Variants in FRMD4A observed in about 807,000 individuals in gnomAD.
FRMD4A encodes the protein FERM domain containing 4A.
A neutral mutation model predicts 129.1 loss-of-function variants in FRMD4A; 29 were observed. The observed-to-expected ratio is 0.22, with a 90% CI of 0.17 to 0.31. FRMD4A has a LOEUF of 0.31. Ranked by LOEUF, FRMD4A falls within the 10% of genes least tolerant of loss-of-function variation. The probability of loss-of-function intolerance (pLI) is 1.00; values close to 1 mark genes in which losing one functional copy is unlikely to be tolerated. For missense variants in FRMD4A, 1,272 were observed against 1,375.8 expected, an observed-to-expected ratio of 0.92 and a Z score of 1.19; for synonymous variants, 634 against 571.6, an observed-to-expected ratio of 1.11 and a Z score of -1.56.
chr10:14,074,696 CCA>C (rs928031983), intron 2 of FRMD4A: 1 of 152,202 alleles, frequency 6.6e-6, no homozygotes, highest in African/African-American at 2.4e-5. Context: ...GACTCAAATT[CCA>C]CAGATTCTGG....
intron 15 of FRMD4A, among the ~76,000 whole-genome samples, chr10:13,686,889 C>G (rs78586240): frequency 3.3e-5 from 5 of 152,190 alleles, no homozygotes; most frequent in African/African-American, 7.2e-5. Context: ...ACAAGCCACA[C>G]GTCCCTGCAG....
At chr10:13,911,743 G>A (rs1397006482) in intron 2 of FRMD4A, among the ~76,000 whole-genome samples, 1 of 152,046 alleles carries the variant, frequency 6.6e-6, no homozygotes, top group Non-Finnish European at 1.5e-5. Flanking sequence ...TTGTATTTTA[G>A]TAGGGACTGG....
In FRMD4A at chr10:13,795,501, T is replaced by A. The variant is rs78316642; in HGVS notation, c.299+995A>T. Among the ~76,000 whole-genome samples, 1,052 of 152,344 alleles carry A rather than the reference T, an allele frequency of 6.9e-3. 10 individuals carry two copies. Among genetic ancestry groups the A allele is most frequent in the Non-Finnish European group, 0.011 (725 of 68,026 alleles). On this transcript the variant is annotated intron_variant, in intron 5 of 24. Coordinates refer to ENST00000357447, the MANE Select transcript of FRMD4A (RefSeq NM_018027.5). ...CTTGTGTGGCTTAAGGATGCCTATGTCTGGAACTGCATTCCTGATCATGCT... is the reference window on the plus strand; with the variant it reads ...CTTGTGTGGCTTAAGGATGCCTATGACTGGAACTGCATTCCTGATCATGCT...
At chr10:14,237,202 C>T (rs1843855320) in intron 2 of FRMD4A, among the ~76,000 whole-genome samples, 1 of 152,032 alleles carries the variant, frequency 6.6e-6, no homozygotes, top group African/African-American at 2.4e-5. Context: ...CGAGCACTGT[C>T]ACGGTAAGCC....
At chr10:14,115,651 G>A (rs1444500706) in intron 2 of FRMD4A, among the ~76,000 whole-genome samples, 3 of 152,028 alleles carry the variant, frequency 2.0e-5, no homozygotes, top group Admixed American at 6.6e-5. Context: ...GTGAGTTCTC[G>A]CTCTTAGTTT....
chr10:14,315,210 A>G (rs1245668751), intron 2 of FRMD4A, among the ~76,000 whole-genome samples: 1 of 151,864 alleles, frequency 6.6e-6, no homozygotes, highest in African/African-American at 2.4e-5. Context: ...CTTTCTAACC[A>G]TCACCCGAAT....
intron 2 of FRMD4A, among the ~76,000 whole-genome samples, chr10:14,246,803 G>A (rs148380734): frequency 7.2e-5 from 11 of 152,244 alleles, no homozygotes; most frequent in Admixed American, 5.9e-4. Flanking sequence ...GAGAAAACGC[G>A]GAGATAGTGA....
chr10:14,103,837 T>C lies in FRMD4A; in HGVS notation c.45+226221A>G, dbSNP rs372211700. Among the ~76,000 whole-genome samples, 33 of 152,308 alleles carry C rather than the reference T, an allele frequency of 2.2e-4. No homozygotes were observed. In the East Asian group the frequency reaches 3.3e-3, roughly 15 times the overall value. ...CTCCCTATCATCTATCTTTTTTCTATGACAATGAGTAGAATTTTTTAAACT... is the reference window on the plus strand; with the variant it reads ...CTCCCTATCATCTATCTTTTTTCTACGACAATGAGTAGAATTTTTTAAACT... On this transcript the variant is annotated intron_variant, in intron 2 of 24. Coordinates refer to ENST00000357447, the MANE Select transcript of FRMD4A (RefSeq NM_018027.5).
intron 2 of FRMD4A, among the ~76,000 whole-genome samples, chr10:14,185,903 G>C (rs920271878): frequency 2.0e-5 from 3 of 152,178 alleles, no homozygotes; most frequent in Non-Finnish European, 4.4e-5. Flanking sequence ...AGGGCAGAGA[G>C]AGACTGGGCA....
At chr10:13,989,366 CT>C (rs1308855395) in intron 2 of FRMD4A, among the ~76,000 whole-genome samples, 1 of 151,430 alleles carries the variant, frequency 6.6e-6, no homozygotes. Context: ...ATTTTTTTTT[CT>C]TTTTTTTGAG....
chr10:14,115,696 C>A (rs1838163983), intron 2 of FRMD4A, among the ~76,000 whole-genome samples: 1 of 152,112 alleles, frequency 6.6e-6, no homozygotes, highest in African/African-American at 2.4e-5. Flanking sequence ...AGCCTGGTAC[C>A]TCCCTCCCCG....
At chr10:13,942,882 G>A (rs1041431816) in intron 2 of FRMD4A, among the ~76,000 whole-genome samples, 4 of 152,056 alleles carry the variant, frequency 2.6e-5, no homozygotes, top group African/African-American at 7.2e-5. Flanking sequence ...TCAGTGAGCC[G>A]AGATTGTGCC....
intron 2 of FRMD4A, among the ~76,000 whole-genome samples, chr10:13,907,011 C>T (rs376288354): frequency 9.9e-5 from 15 of 152,178 alleles, no homozygotes; most frequent in Non-Finnish European, 1.8e-4. Flanking sequence ...GTATTATCCA[C>T]GCCCATAGGT....
At chr10:14,300,552 A>C (rs1392220417) in intron 2 of FRMD4A, among the ~76,000 whole-genome samples, 1 of 152,224 alleles carries the variant, frequency 6.6e-6, no homozygotes, top group Non-Finnish European at 1.5e-5. Context: ...GCACTTGGCC[A>C]AAAACTGGGT....
At chr10:14,306,923 A>G (rs1846372330) in intron 2 of FRMD4A, among the ~76,000 whole-genome samples, 1 of 152,216 alleles carries the variant, frequency 6.6e-6, no homozygotes, top group African/African-American at 2.4e-5. Context: ...AACTAAGGAC[A>G]GGTACAACAT....
intron 2 of FRMD4A, among the ~76,000 whole-genome samples, chr10:14,327,909 G>T (rs1843343086): frequency 6.6e-6 from 1 of 152,132 alleles, no homozygotes; most frequent in Non-Finnish European, 1.5e-5. Context: ...CTTCCTTCCT[G>T]AACTCACAGC....
intron 21 of FRMD4A, 94 bp downstream of exon 21, chr10:13,659,229 G>A (rs1327777986): frequency 1.5e-5 from 17 of 1,104,334 alleles, no homozygotes; most frequent in African/African-American, 6.1e-5. Flanking sequence ...AGGTCTGACT[G>A]TAGCTCATCC....
At chr10:13,841,987 G>C (rs966178694) in intron 3 of FRMD4A, among the ~76,000 whole-genome samples, 1 of 152,110 alleles carries the variant, frequency 6.6e-6, no homozygotes, top group African/African-American at 2.4e-5. Flanking sequence ...ATTGCACCGC[G>C]ATATTACAAC....
intron 2 of FRMD4A, among the ~76,000 whole-genome samples, chr10:14,200,162 G>A (rs1297893136): frequency 6.7e-6 from 1 of 150,132 alleles, no homozygotes; most frequent in African/African-American, 2.4e-5. Flanking sequence ...CGCAGTGTTG[G>A]GATTACACGC....
Sources: allele counts gnomAD v4.1 joint callset (sites outside exome capture counted in the v4.1 genomes callset), GRCh38; gene constraint gnomAD v4.1.1; transcripts MANE v1.5; gene names NCBI Gene and HGNC (gene_info 2026-07-23, HGNC 2026-07-21).